RUFY3: variants seen among roughly 807,000 people sequenced by gnomAD.
RUFY3 encodes RUN and FYVE domain containing 3, also known as protein RUFY3.
Under a neutral mutation model 84.0 loss-of-function variants are expected in RUFY3, and 34 were observed. The observed-to-expected ratio is 0.40, with a 90% CI of 0.31 to 0.54. The LOEUF is 0.54. Ranked by LOEUF, RUFY3 falls within the 20% of genes least tolerant of loss-of-function variation. RUFY3 has a pLI of 0.39. For synonymous variants in RUFY3, 242 were observed against 252.9 expected (o/e 0.96, Z 0.41); for missense variants, 507 against 736.8 (o/e 0.69, Z 3.61).
Position 70,722,522 on chromosome 4 carries a change from T to G in RUFY3, c.-52T>G. On this transcript the variant is annotated 5_prime_UTR_variant, in exon 1 of 18. Coordinates refer to ENST00000381006, the MANE Select transcript of RUFY3 (RefSeq NM_001037442.4). ...GTTGTATTTATTTTTTTGGTGTGTG[T>G]GTGTGAGTGTGTGTGTGTCTGTGTG... 6.4e-7 allele frequency: 1 copy of G among 1,556,904 alleles called. No homozygotes were observed. The highest frequency in any genetic ancestry group is 8.7e-7 in the Non-Finnish European group (1 of 1,146,252).
intron 1 of RUFY3, among the ~76,000 whole-genome samples, chr4:70,759,674 C>A (rs1420888662): frequency 6.6e-6 from 1 of 152,172 alleles, no homozygotes; most frequent in Non-Finnish European, 1.5e-5. Flanking sequence ...TCTGCATCCA[C>A]ACCAGCATTT....
In RUFY3 at chr4:70,783,145, A is replaced by G; in HGVS notation, c.949A>G (p.Lys317Glu). ...CTTACAAGAAGAAATGGAACGAGTT[A>G]AAGAGGAAAGTTCCTACATACTGGA... ...ITLQEEMERV[K>E]EESSYILESN... is the part of the protein sequence containing the mutation. Residue 317 changes from lysine to glutamate, a missense_variant, in exon 9 of 18, where the codon AAA becomes GAA. Physicochemically the swap from Lys to Glu is moderately conservative, Grantham distance 56. Coordinates refer to ENST00000381006, the MANE Select transcript of RUFY3 (RefSeq NM_001037442.4). The G allele has an allele frequency of 6.2e-7, 1 of 1,611,314 alleles. No homozygotes were observed. Among genetic ancestry groups the G allele is most frequent in the East Asian group, 2.2e-5 (1 of 44,836 alleles).
chr4:70,747,823 T>C (rs746121710), intron 1 of RUFY3, among the ~76,000 whole-genome samples: 1 of 152,214 alleles, frequency 6.6e-6, no homozygotes, highest in Non-Finnish European at 1.5e-5. Context: ...AAGTCCAGCC[T>C]GGGCAACATA....
chr4:70,806,512 A>G lies in RUFY3; in HGVS notation c.1720-4A>G. Reference sequence around the variant, plus strand: ...ATTCCCCGCCTAACCTCCTCTTCTCATAGAATGTGTGTAAGAACTGCAGCG... The same window carrying G: ...ATTCCCCGCCTAACCTCCTCTTCTCGTAGAATGTGTGTAAGAACTGCAGCG... On this transcript the variant is annotated splice_polypyrimidine_tract_variant and splice_region_variant and intron_variant, in intron 17 of 17. Transcript: ENST00000381006. 1 of 1,614,080 alleles carries G rather than the reference A, an allele frequency of 6.2e-7. No individual in the cohort carries two copies. Among genetic ancestry groups the G allele is most frequent in the South Asian group, 1.1e-5 (1 of 91,078 alleles).
At chr4:70,737,678 T>A (rs1462703318) in intron 1 of RUFY3, among the ~76,000 whole-genome samples, 1 of 129,920 alleles carries the variant, frequency 7.7e-6, no homozygotes. Context: ...TAATTCCTCT[T>A]TTTTTTTTTT....
rs756576213 is a variant in RUFY3, at chr4:70,802,965, C to T, written c.1632C>T (p.Pro544=). Reference sequence around the variant, plus strand: ...TACTTCTCCATTGTAGGCTGCAACCCCACCCTATGGATGAACAGGTAACAG... The same window carrying T: ...TACTTCTCCATTGTAGGCTGCAACCTCACCCTATGGATGAACAGGTAACAG... ...KPLEESHRLQ[P]HPMDEQDQLL... Residue 544 remains proline, a synonymous_variant, in exon 16 of 18, where the codon CCC becomes CCT. Coordinates refer to ENST00000381006, the MANE Select transcript of RUFY3 (RefSeq NM_001037442.4). 2 of 1,608,268 alleles carry T rather than the reference C, an allele frequency of 1.2e-6. No homozygotes were observed. Among genetic ancestry groups the T allele is most frequent in the Non-Finnish European group, 1.7e-6 (2 of 1,176,892 alleles).
Position 70,808,333 on chromosome 4 carries a change from G to A in RUFY3, c.*1674G>A, listed in dbSNP as rs1733029419. 6.6e-6 allele frequency among the ~76,000 whole-genome samples: 1 copy of A among 152,166 alleles called. No homozygotes were observed. Among genetic ancestry groups the A allele is most frequent in the South Asian group, 2.1e-4 (1 of 4,834 alleles). ...ACTCTTTGGGGGAAAAGAGGGAAGT[G>A]TATTGAGCAAGAGAAGGCAAAAAAC... On this transcript the variant is annotated 3_prime_UTR_variant, in exon 18 of 18. Coordinates refer to ENST00000381006, the MANE Select transcript of RUFY3 (RefSeq NM_001037442.4).
At position 70,800,927 on chromosome 4, in the gene RUFY3, C is replaced by T. The variant is rs533925591; in HGVS notation, c.1622+722C>T. ...ATAAGTACTCTGATTTCTCTTATGT[C>T]TCATCTCTCATTTTTCCTTTATCTT... On this transcript the variant is annotated intron_variant, in intron 15 of 17. Transcript: ENST00000381006. 1.2e-4 allele frequency among the ~76,000 whole-genome samples: 19 copies of T among 152,176 alleles called. No homozygotes were observed. In the South Asian group the frequency reaches 3.7e-3, roughly 30 times the overall value.
At chr4:70,786,578 GT>G (rs1729857550) in intron 10 of RUFY3, among the ~76,000 whole-genome samples, 1 of 151,822 alleles carries the variant, frequency 6.6e-6, no homozygotes, top group Non-Finnish European at 1.5e-5. Flanking sequence ...AATGATAAAT[GT>G]TTAAGATGAT....
rs146889998 is a variant in RUFY3 at position 70,807,768 on chromosome 4, G to A, written c.*1109G>A. On this transcript the variant is annotated 3_prime_UTR_variant, in exon 18 of 18. Transcript: ENST00000381006. ...CTCCCACCTTGACTTCCACAGTGCC[G>A]AGATTACAGGCATGAGCCACCACAC... Among the ~76,000 whole-genome samples, 6 of 151,334 alleles carry A rather than the reference G, an allele frequency of 4.0e-5. No individual in the cohort carries two copies. Among genetic ancestry groups the A allele is most frequent in the African/African-American group, 1.5e-4 (6 of 41,244 alleles).
Position 70,763,643 on chromosome 4 carries a change from A to G in RUFY3, c.444A>G (p.Ala148=), listed in dbSNP as rs766751993. Reference sequence around the variant, plus strand: ...TTCCAGAAGCCGCAGAGATAACAGCAAGTGTTAAAGATCTTCCAGGACTTA... The same window carrying G: ...TTCCAGAAGCCGCAGAGATAACAGCGAGTGTTAAAGATCTTCCAGGACTTA... ...KLVPEAAEIT[A]SVKDLPGLKT... Residue 148 remains alanine (A), a synonymous_variant, in exon 3 of 18, where the codon GCA becomes GCG. Transcript: ENST00000381006. The G allele has an allele frequency of 2.5e-6, 4 of 1,611,574 alleles. No homozygotes were observed. Among genetic ancestry groups the G allele is most frequent in the Non-Finnish European group, 3.4e-6 (4 of 1,178,186 alleles).
intron 1 of RUFY3, among the ~76,000 whole-genome samples, chr4:70,759,615 G>C (rs1260594059): frequency 1.3e-5 from 2 of 152,058 alleles, no homozygotes; most frequent in African/African-American, 4.8e-5. Flanking sequence ...TTCCATAAAG[G>C]CTATACTAAT....
chr4:70,763,900 C>G (rs530069633), intron 3 of RUFY3, among the ~76,000 whole-genome samples: 2 of 152,192 alleles, frequency 1.3e-5, no homozygotes, highest in Admixed American at 6.5e-5. Context: ...TGTTGAAATG[C>G]CAAACATTTG....
intron 14 of RUFY3, among the ~76,000 whole-genome samples, chr4:70,799,095 A>C (rs1181353457): frequency 6.7e-6 from 1 of 150,356 alleles, no homozygotes; most frequent in African/African-American, 2.5e-5. Flanking sequence ...CAGTGAGCCG[A>C]GATCATGCCA....
chr4:70,782,639 G>T (rs918274997), intron 8 of RUFY3, among the ~76,000 whole-genome samples: 1 of 151,972 alleles, frequency 6.6e-6, no homozygotes, highest in African/African-American at 2.4e-5. Flanking sequence ...TTGGTCGGGC[G>T]CAGTGGCTCA....
intron 1 of RUFY3, among the ~76,000 whole-genome samples, chr4:70,734,011 C>T (rs1431755976): frequency 1.3e-5 from 2 of 152,192 alleles, no homozygotes; most frequent in Admixed American, 1.3e-4. Context: ...GACAGTTTCA[C>T]ACATCTGTGA....
intron 7 of RUFY3, among the ~76,000 whole-genome samples, chr4:70,777,485 T>C (rs1273213556): frequency 1.3e-5 from 2 of 152,252 alleles, no homozygotes; most frequent in African/African-American, 4.8e-5. Flanking sequence ...ATGATTATAC[T>C]ACTGTCAGTA....
At chr4:70,714,182 A>G (rs6447028) in intron 1 of RUFY3, among the ~76,000 whole-genome samples, 151,787 of 152,262 alleles carry the variant, frequency 1, 75,658 homozygotes, top group Middle Eastern at 1. Flanking sequence ...TCCACATGCT[A>G]TGTCACACTC....
At chr4:70,735,062 T>C (rs951814129) in intron 1 of RUFY3, among the ~76,000 whole-genome samples, 2 of 152,198 alleles carry the variant, frequency 1.3e-5, no homozygotes, top group African/African-American at 4.8e-5. Flanking sequence ...GAGAAGATAA[T>C]TGCCACTCAG....
Sources: gnomAD v4.1 joint callset for allele counts (sites outside exome capture counted in the v4.1 genomes callset) on GRCh38, gnomAD v4.1.1 for gene constraint, MANE v1.5 for transcripts, NCBI Gene and HGNC (gene_info 2026-07-23, HGNC 2026-07-21) for gene names.